Variants in PGA3 observed in about 807,000 individuals in gnomAD.
The protein encoded by PGA3 is pepsinogen A3.
In PGA3, 1 loss-of-function variant was observed where a neutral mutation model predicts 15.6. The ratio of observed to expected loss-of-function variants is 0.06; its 90% CI spans 0.02 to 0.30. The LOEUF (loss-of-function observed/expected upper bound fraction) is 0.30. Among genes scored for constraint, PGA3 ranks in the 10% least tolerant of loss-of-function variants. The pLI is 1.00. For missense variants in PGA3, 29 were observed against 183.7 expected, an observed-to-expected ratio of 0.16 and a Z score of 4.87; for synonymous variants, 14 against 79.5, an observed-to-expected ratio of 0.18 and a Z score of 4.38.
At chr11:61,203,697 C>G (rs1853891900) in intron 1 of PGA3, 77 bp downstream of exon 1, 2 of 1,606,174 alleles carry the variant, frequency 1.2e-6, no homozygotes, top group Non-Finnish European at 1.7e-6. Flanking sequence ...TCCTTCTTCC[C>G]TTTTTTCTCC....
At chr11:61,205,243 G>C (rs1283497830) in intron 2 of PGA3, among the ~76,000 whole-genome samples, 1 of 151,740 alleles carries the variant, frequency 6.6e-6, no homozygotes, top group Non-Finnish European at 1.5e-5. Context: ...CTTAGCATGG[G>C]GTCTGCCAGG....
At chr11:61,205,278 G>A (rs375581782) in intron 2 of PGA3, among the ~76,000 whole-genome samples, 1 of 151,812 alleles carries the variant, frequency 6.6e-6, no homozygotes, top group African/African-American at 2.4e-5. Context: ...CTTAATTAGC[G>A]CATTTATTTA....
chr11:61,203,522 TC>T lies in PGA3; in HGVS notation c.-40del. The stretch of plus-strand genomic sequence containing the variant: ...CTCATGCTGCTGCTCTGCACCTTCC[TC>T]CCGTCTTGCCTTCTCCCTCGAGTTG... On this transcript the variant is annotated 5_prime_UTR_variant, in exon 1 of 9. Transcript: ENST00000325558. 1.2e-6 allele frequency: 2 copies of T among 1,611,806 alleles called. No homozygotes were observed. The highest frequency in any genetic ancestry group is 1.7e-5 in the Admixed American group (1 of 60,004).
chr11:61,203,664 C>T, intron 1 of PGA3, 44 bp downstream of exon 1: 1 of 1,608,214 alleles, frequency 6.2e-7, no homozygotes. Context: ...CCTCCCACAT[C>T]ACCTTTCTTT....
intron 3 of PGA3, among the ~76,000 whole-genome samples, chr11:61,207,024 T>TAA (rs144549980): frequency 5.2e-4 from 10 of 19,116 alleles, no homozygotes; most frequent in East Asian, 1.0e-3. Context: ...TGAGCTCATT[T>TAA]AAAAAAAAAA....
At chr11:61,205,994 T>TTAAAA (rs376217050) in intron 2 of PGA3, 169 of 133,808 alleles carry the variant, frequency 1.3e-3, no homozygotes, top group South Asian at 5.0e-3. Flanking sequence ...GAGACTTGTC[T>TTAAAA]CAAAAAAAAA....
intron 2 of PGA3, among the ~76,000 whole-genome samples, chr11:61,205,327 T>A (rs1287713197): frequency 3.9e-5 from 6 of 151,998 alleles, no homozygotes; most frequent in Non-Finnish European, 8.8e-5. Context: ...CCTCTCTATG[T>A]GCCAGAGGCT....
At chr11:61,205,995 C>CA (rs1254503947) in intron 2 of PGA3, 11 of 134,312 alleles carry the variant, frequency 8.2e-5, no homozygotes, top group Admixed American at 1.4e-4. Flanking sequence ...AGACTTGTCT[C>CA]AAAAAAAAAG....
intron 3 of PGA3, 59 bp downstream of exon 3, chr11:61,206,686 AACCCTGGACACCCACGGGCTTCAAAC>A: frequency 2.0e-4 from 4 of 19,638 alleles, no homozygotes; most frequent in Admixed American, 1.1e-3. Context: ...GACCCTGGGG[AACCCTGGACACCCACGGGCTTCAAAC>A]AGTTCCCACC....
In PGA3 at chr11:61,205,879, C is replaced by T. The variant is rs1268532427; in HGVS notation, c.220-631C>T. 6.6e-5 allele frequency: 6 copies of T among 90,302 alleles called. No homozygotes were observed. The South Asian group carries it at 1.9e-3, about 28-fold the overall frequency. The allele number at this position is 90,302 out of a possible 1,614,324, so 5.6% of individuals were successfully genotyped here. A position where few individuals can be genotyped will look rare whatever the true frequency, so the allele number is the denominator to read the frequency against. Reference sequence around the variant, plus strand: ...GGGCATGATGGCACACACCTGTAATCTCAGCTACTTGGGAGGTTGAGGCAG... The same window carrying T: ...GGGCATGATGGCACACACCTGTAATTTCAGCTACTTGGGAGGTTGAGGCAG... On this transcript the variant is annotated intron_variant, in intron 2 of 8. Transcript: ENST00000325558.
chr11:61,203,688 C>T (rs1853891804), intron 1 of PGA3, 68 bp downstream of exon 1: 1 of 1,607,392 alleles, frequency 6.2e-7, no homozygotes, highest in Non-Finnish European at 8.5e-7. Context: ...CCCGTGTCTT[C>T]CTTCTTCCCT....
At chr11:61,211,585 G>T (rs1307022483) in intron 8 of PGA3, 150 bp downstream of exon 8, 24 of 862,668 alleles carry the variant, frequency 2.8e-5, no homozygotes, top group Admixed American at 5.7e-5. Flanking sequence ...CAGAGAAAAA[G>T]AATATATTAA....
chr11:61,205,147 T>C (rs1853910456), intron 2 of PGA3, among the ~76,000 whole-genome samples: 1 of 151,984 alleles, frequency 6.6e-6, no homozygotes, highest in Admixed American at 6.6e-5. Context: ...ACTCTGAGCC[T>C]GTGTCTTGGT....
chr11:61,203,716 T>A, intron 1 of PGA3, 96 bp downstream of exon 1: 1 of 1,599,030 alleles, frequency 6.3e-7, no homozygotes, highest in African/African-American at 1.4e-5. Context: ...CCCTCTCTAT[T>A]CAGCTGTCTC....
intron 8 of PGA3, among the ~76,000 whole-genome samples, 176 bp downstream of exon 8, chr11:61,211,611 T>A (rs543859402): frequency 6.7e-6 from 1 of 148,950 alleles, no homozygotes; most frequent in Admixed American, 6.7e-5. Context: ...AATGCAGGAA[T>A]AAGAACTCGG....
At chr11:61,205,429 T>A (rs1397630396) in intron 2 of PGA3, among the ~76,000 whole-genome samples, 1 of 152,154 alleles carries the variant, frequency 6.6e-6, no homozygotes, top group African/African-American at 2.4e-5. Flanking sequence ...TAAGAGAATT[T>A]CAGATAATGA....
intron 2 of PGA3, among the ~76,000 whole-genome samples, chr11:61,205,052 A>G (rs1283257513): frequency 6.6e-6 from 1 of 152,170 alleles, no homozygotes; most frequent in East Asian, 1.9e-4. Context: ...TGGTTCAGAG[A>G]CTGGCCTCTG....
chr11:61,205,491 GA>G (rs1374174691), intron 2 of PGA3, among the ~76,000 whole-genome samples: 87 of 152,146 alleles, frequency 5.7e-4, no homozygotes, highest in African/African-American at 1.8e-3. Flanking sequence ...AAAAGATTGA[GA>G]GGGGGCAAAT....
intron 2 of PGA3, chr11:61,205,606 A>G (rs1188361590): frequency 7.9e-4 from 5 of 6,316 alleles, no homozygotes; most frequent in African/African-American, 6.3e-3. Flanking sequence ...AAGATCTAGA[A>G]TAAACATTTT....
Sources: gnomAD v4.1 joint callset for allele counts (sites outside exome capture counted in the v4.1 genomes callset) on GRCh38, gnomAD v4.1.1 for gene constraint, MANE v1.5 for transcripts, NCBI Gene and HGNC (gene_info 2026-07-23, HGNC 2026-07-21) for gene names.